YLPM1: variants seen among roughly 807,000 people sequenced by gnomAD.
The protein encoded by YLPM1 is YLP motif containing 1.
A neutral mutation model predicts 230.0 loss-of-function variants in YLPM1; 99 were observed. That is an observed-to-expected ratio of 0.43 (90% confidence interval 0.37 to 0.51). YLPM1 has a LOEUF of 0.51. Ranked by LOEUF, YLPM1 falls within the 20% of genes least tolerant of loss-of-function variation. The pLI is 0.00. For synonymous variants in YLPM1, 984 were observed against 942.5 expected (o/e 1.04, Z -0.81); for missense variants, 2,592 against 2,707.7 (o/e 0.96, Z 0.95).
At chr14:74,790,994 C>T (rs138081932) in intron 4 of YLPM1, among the ~76,000 whole-genome samples, 4 of 152,258 alleles carry the variant, frequency 2.6e-5, no homozygotes, top group East Asian at 3.9e-4. Flanking sequence ...GTAATCCTAG[C>T]GCTGTGGGAG....
At chr14:74,782,868 G>A (rs2091109820) in intron 4 of YLPM1, among the ~76,000 whole-genome samples, 2 of 152,016 alleles carry the variant, frequency 1.3e-5, no homozygotes, top group South Asian at 2.1e-4. Flanking sequence ...TGCCCCCATG[G>A]AGCTTACATC....
At chr14:74,829,507 T>G (rs1201628923) in intron 19 of YLPM1, among the ~76,000 whole-genome samples, 164 bp downstream of exon 19, 1 of 152,140 alleles carries the variant, frequency 6.6e-6, no homozygotes, top group African/African-American at 2.4e-5. Context: ...AATTATCTCA[T>G]CAAAATGTAC....
intron 4 of YLPM1, among the ~76,000 whole-genome samples, chr14:74,794,618 GATA>G (rs1282402757): frequency 6.6e-6 from 1 of 150,810 alleles, no homozygotes; most frequent in Non-Finnish European, 1.5e-5. Context: ...TTGTCTTTAA[GATA>G]ATATTAGTTC....
intron 19 of YLPM1, 33 bp from the exon 20 acceptor site, chr14:74,835,232 C>G (rs780653775): frequency 5.0e-6 from 8 of 1,608,058 alleles, no homozygotes; most frequent in Non-Finnish European, 5.9e-6. Context: ...TTTATTTTTC[C>G]TAAAGCTCAG....
In YLPM1 at chr14:74,817,400, T is replaced by C. The variant is rs2091487858; in HGVS notation, c.5946+123T>C. The C allele has an allele frequency of 5.3e-6, 5 of 946,262 alleles. No homozygotes were observed. The South Asian group carries it at 7.2e-5, about 14-fold the overall frequency. The allele number at this position is 946,262 out of a possible 1,614,324, so 58.6% of individuals were successfully genotyped here. A position where few individuals can be genotyped will look rare whatever the true frequency, so the allele number is the denominator to read the frequency against. ...TATAATGTATTTTTATTGTACCTTT[T>C]CTGTGTTTAGATATGTTTAAGTACA... On this transcript the variant is annotated intron_variant, in intron 15 of 20. Transcript: ENST00000325680.
chr14:74,790,330 C>A (rs1374690290), intron 4 of YLPM1, among the ~76,000 whole-genome samples: 1 of 151,950 alleles, frequency 6.6e-6, no homozygotes, highest in Non-Finnish European at 1.5e-5. Context: ...ATTTTAGGAC[C>A]TTGGTTATAC....
intron 8 of YLPM1, 64 bp downstream of exon 8, chr14:74,810,066 C>T: frequency 6.7e-7 from 1 of 1,501,670 alleles, no homozygotes. Flanking sequence ...CATGATTTTC[C>T]TTTTGGTGAG....
chr14:74,822,221 C>T (rs964654107), intron 17 of YLPM1: 1 of 152,086 alleles, frequency 6.6e-6, no homozygotes, highest in African/African-American at 2.4e-5. Flanking sequence ...ACAAGGTCCA[C>T]GCTCTTCTGG....
chr14:74,812,804 C>T (rs779829165), intron 11 of YLPM1, 22 bp downstream of exon 11: 13 of 1,603,480 alleles, frequency 8.1e-6, no homozygotes, highest in East Asian at 2.2e-5. Flanking sequence ...GAAGTTGATT[C>T]GTCTTCGTGC....
At chr14:74,780,298 T>G in intron 2 of YLPM1, 107 bp from the exon 3 acceptor site, 1 of 1,360,094 alleles carries the variant, frequency 7.4e-7, no homozygotes, top group Non-Finnish European at 9.8e-7. Context: ...GTTTGACAGT[T>G]GGATATTTCT....
At chr14:74,788,059 A>G (rs35809608) in intron 4 of YLPM1, among the ~76,000 whole-genome samples, 54,123 of 151,908 alleles carry the variant, frequency 0.36, 11,678 homozygotes, top group East Asian at 0.54. Flanking sequence ...AACTCTTTTC[A>G]TCCATTAAAT....
chr14:74,833,944 T>C (rs1019467278), intron 19 of YLPM1, among the ~76,000 whole-genome samples: 4 of 152,200 alleles, frequency 2.6e-5, no homozygotes, highest in African/African-American at 9.6e-5. Context: ...TAAAATACAT[T>C]CTCTGCAGTC....
At chr14:74,807,762 A>T (rs945818126) in intron 6 of YLPM1, among the ~76,000 whole-genome samples, 3 of 152,216 alleles carry the variant, frequency 2.0e-5, no homozygotes, top group Admixed American at 6.5e-5. Flanking sequence ...CAGCTTCACC[A>T]CAGATGACTA....
intron 6 of YLPM1, among the ~76,000 whole-genome samples, chr14:74,807,313 A>G (rs1186639711): frequency 1.3e-5 from 2 of 152,166 alleles, no homozygotes; most frequent in African/African-American, 4.8e-5. Flanking sequence ...AACAAAAAAC[A>G]AAAAAATAAA....
At chr14:74,785,026 G>A (rs977137182) in intron 4 of YLPM1, among the ~76,000 whole-genome samples, 4 of 152,018 alleles carry the variant, frequency 2.6e-5, no homozygotes, top group South Asian at 2.1e-4. Flanking sequence ...TTGCTTTTTT[G>A]TTTGTTTTTT....
Position 74,798,815 on chromosome 14 carries a change from C to T in YLPM1, c.3518C>T (p.Pro1173Leu), listed in dbSNP as rs750081065. The T allele has an allele frequency of 6.2e-7, 1 of 1,613,890 alleles. No individual in the cohort carries two copies. The highest frequency in any genetic ancestry group is 1.7e-5 in the Admixed American group (1 of 60,002). ...GRDRGPFRPE[P>L]GDGGEKMYPY... ...GATAGAGGTCCATTCAGACCAGAAC[C>T]AGGAGATGGTGGGGAAAAAATGTAT... Residue 1173 changes from proline to leucine, a missense_variant, in exon 5 of 21, where the codon CCA becomes CTA. This residue lies in a region of YLPM1 where 1,862 missense variants were observed against 1,819.8 expected (regional missense o/e 1.02). Transcript: ENST00000325680.
chr14:74,823,760 C>CTTT (rs1358198746), intron 17 of YLPM1, among the ~76,000 whole-genome samples: 2 of 152,030 alleles, frequency 1.3e-5, no homozygotes, highest in Admixed American at 6.6e-5. Flanking sequence ...GCCACCAATT[C>CTTT]TTTTCCTTTC....
At chr14:74,829,153 G>A (rs2091589244) in intron 18 of YLPM1, 60 bp from the exon 19 acceptor site, 2 of 1,600,176 alleles carry the variant, frequency 1.2e-6, no homozygotes, top group African/African-American at 1.3e-5. Context: ...TCCCCTGTGT[G>A]TGTGTCGTGT....
chr14:74,772,293 G>A (rs1261451888), intron 1 of YLPM1, among the ~76,000 whole-genome samples: 1 of 150,400 alleles, frequency 6.6e-6, no homozygotes, highest in Non-Finnish European at 1.5e-5. Context: ...GGGCTCAAGC[G>A]ATATTCGTGC....
Sources: allele counts gnomAD v4.1 joint callset (sites outside exome capture counted in the v4.1 genomes callset), GRCh38; gene constraint gnomAD v4.1.1; regional missense constraint gnomAD v4.1.1; transcripts MANE v1.5; gene names NCBI Gene and HGNC (gene_info 2026-07-23, HGNC 2026-07-21).